The following DLGAP2 variants were observed in gnomAD, a reference collection of about 807,000 sequenced individuals.
DLGAP2 encodes the protein disks large-associated protein 2.
In DLGAP2, 26 loss-of-function variants were observed where a neutral mutation model predicts 100.3. The ratio of observed to expected loss-of-function variants is 0.26; its 90% CI spans 0.19 to 0.36. DLGAP2 has a LOEUF of 0.36. DLGAP2 is among the 10% of genes least tolerant of loss of function. The pLI, the probability that DLGAP2 is intolerant of heterozygous loss-of-function variation, is 1.00. For synonymous variants in DLGAP2, 886 were observed against 630.1 expected, an observed-to-expected ratio of 1.41 and a Z score of -6.08; for missense variants, 1,858 against 1,453.2, an observed-to-expected ratio of 1.28 and a Z score of -4.53.
chr8:1,283,876 C>G (rs142189092), intron 3 of DLGAP2, among the ~76,000 whole-genome samples: 23 of 152,318 alleles, frequency 1.5e-4, no homozygotes, highest in Admixed American at 1.5e-3. Flanking sequence ...TACAATCACA[C>G]ATAGCCCTTC....
intron 2 of DLGAP2, among the ~76,000 whole-genome samples, chr8:1,008,936 G>T (rs117725392): frequency 6.6e-6 from 1 of 152,240 alleles, no homozygotes. Context: ...CTGGAGTCAG[G>T]TCAGCAGCAC....
intron 2 of DLGAP2, among the ~76,000 whole-genome samples, chr8:958,051 C>T (rs1000174142): frequency 1.3e-5 from 2 of 152,170 alleles, no homozygotes; most frequent in African/African-American, 4.8e-5. Flanking sequence ...TAACCCACCC[C>T]CAGCCCCTGG....
chr8:886,653 T>C (rs1024469062), intron 1 of DLGAP2, among the ~76,000 whole-genome samples: 2 of 152,242 alleles, frequency 1.3e-5, no homozygotes, highest in Admixed American at 6.5e-5. Context: ...AGGAGCAGGT[T>C]GTTCAATTTC....
chr8:1,298,989 C>A (rs1256744950), intron 3 of DLGAP2, among the ~76,000 whole-genome samples: 1 of 152,110 alleles, frequency 6.6e-6, no homozygotes, highest in Non-Finnish European at 1.5e-5. Flanking sequence ...CTGAATGACC[C>A]AAAGGGGCCC....
At chr8:1,098,860 G>A (rs951392956) in intron 2 of DLGAP2, among the ~76,000 whole-genome samples, 6 of 152,020 alleles carry the variant, frequency 3.9e-5, no homozygotes, top group Non-Finnish European at 7.4e-5. Flanking sequence ...CCAGGGTCCC[G>A]GTAGGGCCCT....
chr8:1,465,472 C>T (rs1798599701), intron 3 of DLGAP2, among the ~76,000 whole-genome samples: 1 of 151,832 alleles, frequency 6.6e-6, no homozygotes, highest in African/African-American at 2.4e-5. Context: ...GCTAGAGTGG[C>T]TCCCAGAACT....
At chr8:1,186,795 C>G (rs770946407) in intron 2 of DLGAP2, among the ~76,000 whole-genome samples, 1 of 152,160 alleles carries the variant, frequency 6.6e-6, no homozygotes, top group Non-Finnish European at 1.5e-5. Context: ...TTCATGGAAG[C>G]CACCTGCAGG....
At chr8:1,658,156 G>C (rs1000097434) in intron 8 of DLGAP2, among the ~76,000 whole-genome samples, 2 of 151,892 alleles carry the variant, frequency 1.3e-5, no homozygotes, top group Non-Finnish European at 2.9e-5. Context: ...TGCAAATGAG[G>C]GCTCCACCCT....
At chr8:1,104,018 A>G (rs188625274) in intron 2 of DLGAP2, among the ~76,000 whole-genome samples, 1 of 152,182 alleles carries the variant, frequency 6.6e-6, no homozygotes, top group African/African-American at 2.4e-5. Flanking sequence ...CAAGAACACA[A>G]AGCGCTTGCT....
At chr8:1,140,742 T>C (rs926791333) in intron 2 of DLGAP2, among the ~76,000 whole-genome samples, 1 of 152,128 alleles carries the variant, frequency 6.6e-6, no homozygotes, top group African/African-American at 2.4e-5. Flanking sequence ...GAGGCTGAGG[T>C]GGGCAGATCA....
intron 10 of DLGAP2, among the ~76,000 whole-genome samples, chr8:1,671,598 C>A (rs182297228): frequency 1.3e-5 from 2 of 152,194 alleles, no homozygotes; most frequent in Admixed American, 6.5e-5. Flanking sequence ...CTTTTACTAT[C>A]AGGGTTTGAA....
At chr8:1,566,945 G>A (rs1212437584) in intron 6 of DLGAP2, among the ~76,000 whole-genome samples, 1 of 152,198 alleles carries the variant, frequency 6.6e-6, no homozygotes, top group Non-Finnish European at 1.5e-5. Context: ...CATGCCCTGA[G>A]ACCGGGCCGC....
chr8:1,106,067 A>G (rs1804755025), intron 2 of DLGAP2, among the ~76,000 whole-genome samples: 1 of 140,854 alleles, frequency 7.1e-6, no homozygotes. Context: ...AGGGTTTTCT[A>G]TTGAGGGGAG....
chr8:831,819 A>G (rs1373009076), intron 1 of DLGAP2, among the ~76,000 whole-genome samples: 1 of 152,188 alleles, frequency 6.6e-6, no homozygotes, highest in African/African-American at 2.4e-5. Flanking sequence ...GAACTAATTT[A>G]CATTCCCACC....
At chr8:802,893 T>C (rs939546063) in intron 1 of DLGAP2, among the ~76,000 whole-genome samples, 2 of 152,174 alleles carry the variant, frequency 1.3e-5, no homozygotes, top group Non-Finnish European at 2.9e-5. Flanking sequence ...TGGACAGTGC[T>C]GTGTCCAGGA....
chr8:1,225,188 C>A (rs1010594659), intron 2 of DLGAP2, among the ~76,000 whole-genome samples: 2 of 152,296 alleles, frequency 1.3e-5, no homozygotes, highest in East Asian at 3.9e-4. Flanking sequence ...TGGATGTCCA[C>A]AGGGGTGGAT....
At chr8:824,437 T>G (rs1178903242) in intron 1 of DLGAP2, among the ~76,000 whole-genome samples, 1 of 152,164 alleles carries the variant, frequency 6.6e-6, no homozygotes, top group Non-Finnish European at 1.5e-5. Flanking sequence ...CTGCCAGGGT[T>G]CCCTGCAGGA....
At chr8:1,061,901 C>G (rs1053748649) in intron 2 of DLGAP2, among the ~76,000 whole-genome samples, 11 of 152,066 alleles carry the variant, frequency 7.2e-5, no homozygotes, top group Non-Finnish European at 1.3e-4. Flanking sequence ...CCCACTCACT[C>G]TTATAAAGAC....
intron 4 of DLGAP2, among the ~76,000 whole-genome samples, chr8:1,515,427 C>G (rs536244583): frequency 2.0e-5 from 3 of 146,956 alleles, no homozygotes; most frequent in East Asian, 3.9e-4. Flanking sequence ...CACACACACG[C>G]AGACACATGC....
Sources: gnomAD v4.1 joint callset for allele counts (sites outside exome capture counted in the v4.1 genomes callset) on GRCh38, gnomAD v4.1.1 for gene constraint, MANE v1.5 for transcripts, NCBI Gene and HGNC (gene_info 2026-07-23, HGNC 2026-07-21) for gene names.